The following SAG variants were observed in gnomAD, a reference collection of about 807,000 sequenced individuals.
The protein encoded by SAG is S-antigen visual arrestin.
SAG carries 45 observed loss-of-function variants against 55.0 expected under a neutral mutation model. That is an observed-to-expected ratio of 0.82 (90% CI 0.64 to 1.05). The LOEUF (loss-of-function observed/expected upper bound fraction) is 1.05. SAG is among the 50% of genes least tolerant of loss of function. The probability of loss-of-function intolerance (pLI) is 0.00; values close to 1 mark genes in which losing one functional copy is unlikely to be tolerated. For missense variants in SAG, 455 were observed against 512.1 expected, an observed-to-expected ratio of 0.89 and a Z score of 1.08; for synonymous variants, 189 against 197.4, an observed-to-expected ratio of 0.96 and a Z score of 0.36.
chr2:233,337,095 C>CAA (rs5839479), intron 11 of SAG, among the ~76,000 whole-genome samples: 9 of 142,324 alleles, frequency 6.3e-5, no homozygotes, highest in African/African-American at 2.1e-4. Context: ...GACCCTGTCT[C>CAA]AAAAAAAAAA....
intron 3 of SAG, among the ~76,000 whole-genome samples, chr2:233,318,377 C>A (rs1328560049): frequency 1.3e-5 from 2 of 151,366 alleles, no homozygotes; most frequent in African/African-American, 4.9e-5. Context: ...CATTTTGTTA[C>A]CCAGGCTGCT....
intron 5 of SAG, among the ~76,000 whole-genome samples, chr2:233,322,142 C>T (rs181431887): frequency 3.4e-3 from 483 of 143,088 alleles, no homozygotes; most frequent in Admixed American, 6.1e-3. Flanking sequence ...AGCTAGATCG[C>T]GCCACTGCAC....
intron 4 of SAG, 122 bp downstream of exon 4, chr2:233,318,917 CA>C: frequency 1.2e-6 from 1 of 865,766 alleles, no homozygotes. Flanking sequence ...CGCTCTTGCA[CA>C]TGGAACCAGT....
At chr2:233,330,733 T>C (rs1304502258) in intron 9 of SAG, among the ~76,000 whole-genome samples, 1 of 152,088 alleles carries the variant, frequency 6.6e-6, no homozygotes, top group African/African-American at 2.4e-5. Context: ...GATTTCGCCA[T>C]GTTGGCCAGG....
At chr2:233,320,284 C>A (rs148990463) in intron 4 of SAG, among the ~76,000 whole-genome samples, 146 of 152,332 alleles carry the variant, frequency 9.6e-4, no homozygotes, top group African/African-American at 3.4e-3. Flanking sequence ...AGAACCTGAG[C>A]AGCCAGCACT....
chr2:233,333,809 AGGTTCCACCAGGACCCAGAT>A (rs1700844022), intron 10 of SAG: 1 of 152,158 alleles, frequency 6.6e-6, no homozygotes, highest in Non-Finnish European at 1.5e-5. Context: ...TCATTAAGAG[AGGTTCCACCAGGACCCAGAT>A]GGTAGGATGT....
chr2:233,316,101 C>G lies in SAG; in HGVS notation c.102C>G (p.Asp34Glu), dbSNP rs794727485. ...KSVTIYLGNRDYIDHVSQVQP... is the reference protein window; with the variant it reads ...KSVTIYLGNREYIDHVSQVQP... Reference sequence around the variant, plus strand: ...TGACCATCTACCTGGGGAACAGAGACTACATAGACCATGTCAGCCAAGTCC... The same window carrying G: ...TGACCATCTACCTGGGGAACAGAGAGTACATAGACCATGTCAGCCAAGTCC... The change falls in exon 3 of 16, where the codon GAC (aspartate) becomes GAG (glutamate). Residue 34 changes from aspartate to glutamate, a missense_variant. Asp to Glu is a conservative substitution (Grantham distance 45). Coordinates refer to ENST00000409110, the MANE Select transcript of SAG (RefSeq NM_000541.5). 1 of 1,598,576 alleles carries G rather than the reference C, an allele frequency of 6.3e-7. No individual in the cohort carries two copies. Among genetic ancestry groups the G allele is most frequent in the Non-Finnish European group, 8.5e-7 (1 of 1,170,766 alleles).
In SAG at chr2:233,320,803, A is replaced by G. The variant is rs751823139; in HGVS notation, c.355A>G (p.Thr119Ala). ...CCTGCTTAAAAAGCTGGGGAGCAAC[A>G]CGTACCCCTTTCTCCTGACGGTGGG... ...ESLLKKLGSN[T>A]YPFLLTFPDY... The change falls in exon 5 of 16, where the codon ACG (threonine) becomes GCG (alanine). Residue 119 changes from threonine to alanine, a missense_variant. By Grantham distance (58) the Thr-to-Ala change is moderately conservative. Transcript: ENST00000409110. The G allele has an allele frequency of 3.1e-6, 5 of 1,598,662 alleles. No homozygotes were observed. The African/African-American group carries it at 6.7e-5, about 21-fold the overall frequency.
At chr2:233,323,495 C>G (rs781103731) in intron 6 of SAG, among the ~76,000 whole-genome samples, 6 of 151,976 alleles carry the variant, frequency 3.9e-5, no homozygotes, top group African/African-American at 1.5e-4. Flanking sequence ...TCCCGAGTAG[C>G]TGGGATTACA....
chr2:233,337,901 C>T (rs1392739540), intron 11 of SAG, among the ~76,000 whole-genome samples: 1 of 152,188 alleles, frequency 6.6e-6, no homozygotes, highest in African/African-American at 2.4e-5. Flanking sequence ...GATGAAATGC[C>T]CGGCACAGTG....
chr2:233,331,632 C>A lies in SAG; in HGVS notation c.734-8C>A, dbSNP rs1222688502. 2 of 1,606,852 alleles carry A rather than the reference C, an allele frequency of 1.2e-6. No homozygotes were observed. Among genetic ancestry groups the A allele is most frequent in the Admixed American group, 1.7e-5 (1 of 59,952 alleles). On this transcript the variant is annotated splice_polypyrimidine_tract_variant and splice_region_variant and intron_variant, in intron 9 of 15. Transcript: ENST00000409110. ...GCTGACCACCGGACTCCCGTCTTCC[C>A]CTTGCAGTGGAACAGGTGGCCAATG...
chr2:233,326,654 G>A (rs113341078), intron 6 of SAG, among the ~76,000 whole-genome samples: 2 of 151,850 alleles, frequency 1.3e-5, no homozygotes, highest in Admixed American at 6.6e-5. Flanking sequence ...TGAGGCTGCC[G>A]CTGAACAGCA....
chr2:233,323,825 GTC>G (rs1451911364), intron 6 of SAG, among the ~76,000 whole-genome samples: 2 of 152,128 alleles, frequency 1.3e-5, no homozygotes, highest in Non-Finnish European at 2.9e-5. Flanking sequence ...ACCCCCATGA[GTC>G]TCACACATTA....
chr2:233,328,405 G>C, intron 7 of SAG, 73 bp from the exon 8 acceptor site: 1 of 1,529,788 alleles, frequency 6.5e-7, no homozygotes, highest in South Asian at 1.2e-5. Flanking sequence ...ATGTGACAGT[G>C]GGGAGAGAAC....
chr2:233,335,030 G>T lies in SAG; in HGVS notation c.875G>T (p.Arg292Leu), dbSNP rs554322769. 2 of 1,613,850 alleles carry T rather than the reference G, an allele frequency of 1.2e-6. No homozygotes were observed. The highest frequency in any genetic ancestry group is 3.3e-5 in the Admixed American group (2 of 60,002). Residue 292 changes from arginine (R) to leucine (L), a missense_variant, in exon 11 of 16, where the codon CGA becomes CTA. Coordinates refer to ENST00000409110, the MANE Select transcript of SAG (RefSeq NM_000541.5). ...CTGCTGCCCTTGCTGGCTAACAATC[G>T]AGAAAGGAGAGGCATTGCCCTGGAT... ...LTLLPLLANN[R>L]ERRGIALDGK... is the part of the protein sequence containing the mutation.
At chr2:233,328,647 AGCAGGCCTAGGG>A (rs769740279) in intron 8 of SAG, 34 bp downstream of exon 8, 1 of 1,584,250 alleles carries the variant, frequency 6.3e-7, no homozygotes, top group South Asian at 1.1e-5. Context: ...CCCGCAGGGC[AGCAGGCCTAGGG>A]GCAGGCCCCA....
intron 9 of SAG, 41 bp from the exon 10 acceptor site, chr2:233,331,599 G>T: frequency 7.5e-7 from 1 of 1,336,510 alleles, no homozygotes; most frequent in East Asian, 2.3e-5. Context: ...ACGTGTTGGG[G>T]GACCAGTGCT....
chr2:233,318,520 A>G (rs1245783811), intron 3 of SAG, among the ~76,000 whole-genome samples: 1 of 152,290 alleles, frequency 6.6e-6, no homozygotes, highest in East Asian at 1.9e-4. Context: ...GGCATGGGCC[A>G]CCACACCTGA....
intron 2 of SAG, among the ~76,000 whole-genome samples, chr2:233,311,271 C>T (rs1700068933): frequency 6.6e-6 from 1 of 152,202 alleles, no homozygotes; most frequent in Non-Finnish European, 1.5e-5. Flanking sequence ...CTTCATCCTC[C>T]AGCAGGTGGC....
Sources: gnomAD v4.1 joint callset for allele counts (sites outside exome capture counted in the v4.1 genomes callset) on GRCh38, gnomAD v4.1.1 for gene constraint, MANE v1.5 for transcripts, NCBI Gene and HGNC (gene_info 2026-07-23, HGNC 2026-07-21) for gene names.